DCAF7: variants seen among roughly 807,000 people sequenced by gnomAD.
The protein encoded by DCAF7 is DDB1- and CUL4-associated factor 7.
Under a neutral mutation model 41.2 loss-of-function variants are expected in DCAF7, and 4 were observed. The ratio of observed to expected loss-of-function variants is 0.10; its 90% CI spans 0.05 to 0.22. DCAF7 has a LOEUF of 0.22. Among genes scored for constraint, DCAF7 ranks in the 10% least tolerant of loss-of-function variants. The pLI is 1.00. For missense variants in DCAF7, 131 were observed against 443.2 expected (o/e 0.30, Z 6.32); for synonymous variants, 143 against 164.2 (o/e 0.87, Z 0.99).
chr17:63,570,461 G>GA (rs984761593), intron 1 of DCAF7, among the ~76,000 whole-genome samples: 3 of 150,196 alleles, frequency 2.0e-5, no homozygotes, highest in Non-Finnish European at 4.4e-5. Context: ...CAAAAAAAAA[G>GA]AAAAAAAAAG....
chr17:63,585,121 C>T, intron 5 of DCAF7, 90 bp from the exon 6 acceptor site: 1 of 1,019,416 alleles, frequency 9.8e-7, no homozygotes, highest in Non-Finnish European at 1.5e-6. Context: ...AAAAATTATG[C>T]CTAAAAAGAT....
At chr17:63,559,455 A>ATT (rs1380347564) in intron 1 of DCAF7, among the ~76,000 whole-genome samples, 6 of 142,228 alleles carry the variant, frequency 4.2e-5, no homozygotes, top group African/African-American at 1.1e-4. Flanking sequence ...ATATATATAT[A>ATT]TATTTTTAAT....
rs529811578 is a variant in DCAF7 at position 63,551,891 on chromosome 17, C to CAAAAAAAAAAAAAAAA, written c.138+1101_138+1116dup. Among the ~76,000 whole-genome samples the CAAAAAAAAAAAAAAAA allele has an allele frequency of 9.9e-4, 27 of 27,288 alleles. 8 individuals are homozygous for CAAAAAAAAAAAAAAAA. Among genetic ancestry groups the CAAAAAAAAAAAAAAAA allele is most frequent in the Non-Finnish European group, 1.7e-3 (21 of 12,474 alleles). 17.9% of individuals were successfully genotyped at this position (27,288 alleles called of 152,430 possible). On this transcript the variant is annotated intron_variant, in intron 1 of 6. Transcript: ENST00000614556. Reference sequence around the variant, plus strand: ...GTGAAACCCCGTCTCTACTAAAATACAAAAAAAAAAAAAAAAAAAAAAAAA... The same window carrying CAAAAAAAAAAAAAAAA: ...GTGAAACCCCGTCTCTACTAAAATACAAAAAAAAAAAAAAAAAAAAAAAAAAAAAAAAAAAAAAAAA...
At chr17:63,559,706 G>A (rs1383556616) in intron 1 of DCAF7, among the ~76,000 whole-genome samples, 2 of 151,704 alleles carry the variant, frequency 1.3e-5, no homozygotes, top group Non-Finnish European at 2.9e-5. Context: ...GGAAGCTGAG[G>A]CAGGAGAATC....
In DCAF7 at chr17:63,589,291, A is replaced by C; in HGVS notation, c.*119A>C. On this transcript the variant is annotated 3_prime_UTR_variant, in exon 7 of 7. Coordinates refer to ENST00000614556, the MANE Select transcript of DCAF7 (RefSeq NM_005828.5). The stretch of plus-strand genomic sequence containing the variant: ...GTATGTCTTTCATTGCTTTGCACCC[A>C]CTGTTACCAGAAGCTGCTCTAGGAG... The C allele has an allele frequency of 7.4e-7, 1 of 1,358,756 alleles. No homozygotes were observed. The highest frequency in any genetic ancestry group is 1.0e-6 in the Non-Finnish European group (1 of 976,278). 84.2% of individuals were successfully genotyped at this position (1,358,756 alleles called of 1,614,324 possible).
chr17:63,563,092 T>C (rs1327701565), intron 1 of DCAF7, among the ~76,000 whole-genome samples: 1 of 152,072 alleles, frequency 6.6e-6, no homozygotes, highest in African/African-American at 2.4e-5. Context: ...CCCAAAATAG[T>C]GGGATAATGG....
At chr17:63,560,528 AC>A (rs1462939633) in intron 1 of DCAF7, among the ~76,000 whole-genome samples, 1 of 152,148 alleles carries the variant, frequency 6.6e-6, no homozygotes, top group East Asian at 1.9e-4. Flanking sequence ...AAGAGTAAAC[AC>A]CTGTGTTTTT....
At chr17:63,559,429 A>G (rs370755408) in intron 1 of DCAF7, among the ~76,000 whole-genome samples, 24,001 of 106,220 alleles carry the variant, frequency 0.23, 2,866 homozygotes, top group Middle Eastern at 0.37. Flanking sequence ...ACGTATATAT[A>G]TATGTGTGTG....
chr17:63,557,083 A>G (rs2033319465), intron 1 of DCAF7, among the ~76,000 whole-genome samples: 2 of 152,178 alleles, frequency 1.3e-5, no homozygotes, highest in African/African-American at 2.4e-5. Context: ...GAAAGATGCT[A>G]TTAGAAAGGA....
intron 1 of DCAF7, among the ~76,000 whole-genome samples, chr17:63,575,674 C>T (rs1326423704): frequency 1.3e-5 from 2 of 151,926 alleles, no homozygotes; most frequent in East Asian, 1.9e-4. Flanking sequence ...GGTGCTAGAG[C>T]GAGACTCTGT....
chr17:63,561,368 A>T (rs1265912722), intron 1 of DCAF7, among the ~76,000 whole-genome samples: 2 of 152,186 alleles, frequency 1.3e-5, no homozygotes, highest in East Asian at 3.8e-4. Context: ...TTTTGTAAAT[A>T]TAGGGAGAAT....
intron 6 of DCAF7, 37 bp downstream of exon 6, chr17:63,585,365 G>A (rs2033666157): frequency 6.4e-7 from 1 of 1,557,182 alleles, no homozygotes; most frequent in African/African-American, 1.4e-5. Context: ...TGGGAAGGAT[G>A]GAGGAAATCT....
rs1179071331 is a variant in DCAF7 at position 63,559,431 on chromosome 17, A to ATGTGTG, written c.138+8620_138+8625dup. 6.3e-4 allele frequency among the ~76,000 whole-genome samples: 62 copies of ATGTGTG among 98,278 alleles called. 2 individuals carry two copies. Among genetic ancestry groups the ATGTGTG allele is most frequent in the African/African-American group, 2.9e-3 (55 of 18,942 alleles). The allele number at this position is 98,278 out of a possible 152,430, so 64.5% of individuals were successfully genotyped here. A position where few individuals can be genotyped will look rare whatever the true frequency, so the allele number is the denominator to read the frequency against. ...TATGTATATATATACGTATATATAT[A>ATGTGTG]TGTGTGTGTATATATATATATATAT... is the stretch of plus-strand genomic sequence containing the variant. On this transcript the variant is annotated intron_variant, in intron 1 of 6. Transcript: ENST00000614556.
chr17:63,572,788 G>A (rs2033520872), intron 1 of DCAF7, among the ~76,000 whole-genome samples: 6 of 152,052 alleles, frequency 3.9e-5, no homozygotes, highest in Admixed American at 3.9e-4. Flanking sequence ...TCTGAGACAA[G>A]GCCTCGCTCT....
intron 1 of DCAF7, among the ~76,000 whole-genome samples, chr17:63,563,070 C>T (rs2033401581): frequency 6.6e-6 from 1 of 152,162 alleles, no homozygotes; most frequent in African/African-American, 2.4e-5. Flanking sequence ...AGCAATCCTC[C>T]CACCTTAGCT....
chr17:63,590,662 A>G lies in DCAF7; in HGVS notation c.*1490A>G, dbSNP rs1220372306. ...AGTTTGGGATGTGCTCTTGGGGGAA[A>G]GTTGGCTGTTTCCTTGCGCTCTGCT... On this transcript the variant is annotated 3_prime_UTR_variant, in exon 7 of 7. Coordinates refer to ENST00000614556, the MANE Select transcript of DCAF7 (RefSeq NM_005828.5). The G allele has an allele frequency of 1.3e-5, 2 of 152,726 alleles. No homozygotes were observed. Among genetic ancestry groups the G allele is most frequent in the African/African-American group, 2.4e-5 (1 of 41,442 alleles). The allele number at this position is 152,726 out of a possible 1,614,324, so 9.5% of individuals were successfully genotyped here.
rs2033726286 is a variant in DCAF7 at position 63,590,766 on chromosome 17, T to G, written c.*1594T>G. The G allele has an allele frequency of 6.6e-6, 1 of 152,338 alleles. No individual in the cohort carries two copies. 9.4% of individuals were successfully genotyped at this position (152,338 alleles called of 1,614,324 possible). On this transcript the variant is annotated 3_prime_UTR_variant, in exon 7 of 7. Coordinates refer to ENST00000614556, the MANE Select transcript of DCAF7 (RefSeq NM_005828.5). ...TAGCAGGCCTGAAGGATGATGGTTT[T>G]GTCCTCTTTGGTTCTCACCTGCTTG...
At chr17:63,559,359 GTATGTA>G (rs2033347741) in intron 1 of DCAF7, among the ~76,000 whole-genome samples, 4 of 102,736 alleles carry the variant, frequency 3.9e-5, no homozygotes, top group Admixed American at 2.2e-4. Context: ...GTATATATAT[GTATGTA>G]TATATATATG....
chr17:63,582,830 T>C (rs1195733991), intron 4 of DCAF7, among the ~76,000 whole-genome samples: 1 of 152,238 alleles, frequency 6.6e-6, no homozygotes, highest in Non-Finnish European at 1.5e-5. Flanking sequence ...GTTAGTGATA[T>C]GCAATGTTTG....
Sources: allele counts gnomAD v4.1 joint callset (sites outside exome capture counted in the v4.1 genomes callset), GRCh38; gene constraint gnomAD v4.1.1; transcripts MANE v1.5; gene names NCBI Gene and HGNC (gene_info 2026-07-23, HGNC 2026-07-21).